The following LAMA2 variants were observed in gnomAD, a reference collection of about 807,000 sequenced individuals.
The protein encoded by LAMA2 is laminin subunit alpha 2.
In LAMA2, 269 loss-of-function variants were observed where a neutral mutation model predicts 364.8. That is an observed-to-expected ratio of 0.74 (90% CI 0.67 to 0.82). The LOEUF is 0.82. Ranked by LOEUF, LAMA2 falls within the 40% of genes least tolerant of loss-of-function variation. The pLI, the probability that LAMA2 is intolerant of heterozygous loss-of-function variation, is 0.00. For synonymous variants in LAMA2, 1,379 were observed against 1,370.6 expected, an observed-to-expected ratio of 1.01 and a Z score of -0.14; for missense variants, 3,807 against 3,873.2, an observed-to-expected ratio of 0.98 and a Z score of 0.45.
At chr6:129,440,649 T>TA (rs1562565811) in intron 42 of LAMA2, among the ~76,000 whole-genome samples, 167 bp from the exon 43 acceptor site, 1 of 152,156 alleles carries the variant, frequency 6.6e-6, no homozygotes, top group African/African-American at 2.4e-5. Flanking sequence ...TTAATTTACC[T>TA]AAAAAAATTT....
At chr6:129,248,878 T>G (rs1186008426) in intron 12 of LAMA2, among the ~76,000 whole-genome samples, 1 of 152,202 alleles carries the variant, frequency 6.6e-6, no homozygotes, top group Non-Finnish European at 1.5e-5. Context: ...CTCACAATAA[T>G]GCCAAGTGCT....
chr6:129,045,411 C>A (rs1282901615), intron 1 of LAMA2, among the ~76,000 whole-genome samples: 1 of 152,088 alleles, frequency 6.6e-6, no homozygotes, highest in Non-Finnish European at 1.5e-5. Flanking sequence ...CTACTTTAGG[C>A]CCTGACAAGA....
At chr6:129,057,839 A>G (rs962172619) in intron 2 of LAMA2, among the ~76,000 whole-genome samples, 5 of 152,188 alleles carry the variant, frequency 3.3e-5, no homozygotes, top group African/African-American at 1.2e-4. Context: ...TAGCAATGTG[A>G]TTTGTTCCTT....
chr6:129,218,682 A>C (rs1439671779), intron 12 of LAMA2, among the ~76,000 whole-genome samples: 1 of 152,204 alleles, frequency 6.6e-6, no homozygotes, highest in East Asian at 1.9e-4. Context: ...TAAATGAGAG[A>C]ATTATGGTGA....
chr6:129,461,494 TA>T (rs1251547297), intron 49 of LAMA2, among the ~76,000 whole-genome samples: 1 of 152,064 alleles, frequency 6.6e-6, no homozygotes, highest in Non-Finnish European at 1.5e-5. Context: ...AGGTTGTCTG[TA>T]AAATTCTTTC....
chr6:129,254,684 C>T (rs1038794867), intron 14 of LAMA2, among the ~76,000 whole-genome samples: 2 of 152,148 alleles, frequency 1.3e-5, no homozygotes, highest in Non-Finnish European at 2.9e-5. Context: ...TTATTTTCTT[C>T]TCGCTGTCTT....
rs114814198 is a variant in LAMA2 at position 129,369,230 on chromosome 6, C to T, written c.4861-662C>T. Among the ~76,000 whole-genome samples the T allele has an allele frequency of 3.0e-3, 450 of 152,038 alleles. 5 individuals are homozygous for T. Among genetic ancestry groups the T allele is most frequent in the African/African-American group, 0.011 (444 of 41,468 alleles). ...GTAGTTTTGTGGTCTACACAAAACC[C>T]GCTATGGTTTTGTCTGCGCTTAGAC... is the stretch of plus-strand genomic sequence containing the variant. On this transcript the variant is annotated intron_variant, in intron 33 of 64. Transcript: ENST00000421865.
At chr6:129,179,681 A>G (rs1780816614) in intron 10 of LAMA2, among the ~76,000 whole-genome samples, 1 of 152,202 alleles carries the variant, frequency 6.6e-6, no homozygotes, top group South Asian at 2.1e-4. Flanking sequence ...ATCATAAAAG[A>G]GAATGAAAAT....
intron 3 of LAMA2, among the ~76,000 whole-genome samples, chr6:129,087,709 G>T (rs907629576): frequency 5.3e-5 from 8 of 151,984 alleles, no homozygotes; most frequent in Non-Finnish European, 1.0e-4. Context: ...ACTCCTGAGA[G>T]TGATTGTAAT....
At chr6:129,082,440 G>T (rs1386336858) in intron 3 of LAMA2, among the ~76,000 whole-genome samples, 3 of 152,040 alleles carry the variant, frequency 2.0e-5, no homozygotes, top group Non-Finnish European at 4.4e-5. Flanking sequence ...ATCCAATAAA[G>T]ATATAACATG....
intron 33 of LAMA2, among the ~76,000 whole-genome samples, chr6:129,367,206 G>C (rs957328613): frequency 1.3e-5 from 2 of 152,032 alleles, no homozygotes; most frequent in African/African-American, 4.8e-5. Flanking sequence ...AAGAAATTGG[G>C]GTTGTTTCAC....
chr6:129,406,107 A>G (rs979296807), intron 40 of LAMA2, among the ~76,000 whole-genome samples: 2 of 152,182 alleles, frequency 1.3e-5, no homozygotes, highest in Non-Finnish European at 2.9e-5. Flanking sequence ...CCATAAGAAA[A>G]GAAACAAAGA....
At chr6:129,483,934 T>G (rs576193226) in intron 55 of LAMA2, among the ~76,000 whole-genome samples, 1 of 152,310 alleles carries the variant, frequency 6.6e-6, no homozygotes, top group East Asian at 1.9e-4. Flanking sequence ...GAAACTAAAT[T>G]TCTTTTTCAT....
intron 17 of LAMA2, 145 bp from the exon 18 acceptor site, chr6:129,279,916 C>G: frequency 1.4e-6 from 1 of 716,384 alleles, no homozygotes; most frequent in South Asian, 1.5e-5. Context: ...ATTGGCCAGA[C>G]CCTAATCTCT....
At chr6:129,484,950 G>A (rs1784522415) in intron 55 of LAMA2, among the ~76,000 whole-genome samples, 3 of 152,168 alleles carry the variant, frequency 2.0e-5, no homozygotes, top group Non-Finnish European at 4.4e-5. Context: ...CACTCATATT[G>A]TGAAGAATAT....
rs373151976 is a variant in LAMA2, at chr6:129,177,703, T to C, written c.1307-3T>C. ...TGTTGATATGTGGCTCATCTTTCTT[T>C]AGGTTTGGCACCTGGATCCTGTCAT... On this transcript the variant is annotated splice_region_variant and splice_polypyrimidine_tract_variant and intron_variant, in intron 9 of 64. Transcript: ENST00000421865. 1 of 1,613,928 alleles carries C rather than the reference T, an allele frequency of 6.2e-7. No individual in the cohort carries two copies. The highest frequency in any genetic ancestry group is 8.5e-7 in the Non-Finnish European group (1 of 1,179,852).
chr6:129,476,939 T>C (rs2571577), intron 53 of LAMA2, among the ~76,000 whole-genome samples: 31,409 of 152,008 alleles, frequency 0.21, 3,398 homozygotes, highest in South Asian at 0.33. Flanking sequence ...TGATATACAC[T>C]GCCAAGGTCT....
intron 1 of LAMA2, among the ~76,000 whole-genome samples, chr6:129,040,270 A>G (rs2114752832): frequency 6.6e-6 from 1 of 152,312 alleles, no homozygotes; most frequent in East Asian, 1.9e-4. Flanking sequence ...ATCTTCATGA[A>G]GTCAGCCAAT....
At chr6:128,961,845 A>G (rs562938570) in intron 1 of LAMA2, among the ~76,000 whole-genome samples, 2 of 152,054 alleles carry the variant, frequency 1.3e-5, no homozygotes, top group East Asian at 3.9e-4. Flanking sequence ...CAGGTCAGCA[A>G]TGGGATAGTA....
Sources: allele counts gnomAD v4.1 joint callset (sites outside exome capture counted in the v4.1 genomes callset), GRCh38; gene constraint gnomAD v4.1.1; transcripts MANE v1.5; gene names NCBI Gene and HGNC (gene_info 2026-07-23, HGNC 2026-07-21).